Variants in RACGAP1 observed in about 807,000 individuals in gnomAD.
RACGAP1 encodes rac GTPase-activating protein 1.
RACGAP1 carries 30 observed loss-of-function variants against 78.1 expected under a neutral mutation model. The ratio of observed to expected loss-of-function variants is 0.38; its 90% CI spans 0.29 to 0.52. The LOEUF (loss-of-function observed/expected upper bound fraction) is 0.52, where lower values mean the gene tolerates loss of function less well. Among genes scored for constraint, RACGAP1 ranks in the 20% least tolerant of loss-of-function variants. RACGAP1 has a pLI of 0.82. For missense variants in RACGAP1, 587 were observed against 777.1 expected (o/e 0.76, Z 2.91); for synonymous variants, 231 against 264.8 (o/e 0.87, Z 1.24).
intron 2 of RACGAP1, among the ~76,000 whole-genome samples, 158 bp downstream of exon 2, chr12:50,016,473 A>G (rs1357051572): frequency 6.6e-6 from 1 of 152,236 alleles, no homozygotes; most frequent in Non-Finnish European, 1.5e-5. Context: ...ATTTAGAATG[A>G]GTGCCCATTA....
At chr12:50,033,367 C>T (rs1445415994), upstream of RACGAP1, among the ~76,000 whole-genome samples, 4 of 152,166 alleles carry the variant, frequency 2.6e-5, no homozygotes, top group South Asian at 2.1e-4. Flanking sequence ...GAGGGCCCAC[C>T]TCTGGCTGGG....
In RACGAP1 at chr12:49,989,716, C is replaced by G. The variant is rs1435779727; in HGVS notation, c.*552G>C. On this transcript the variant is annotated 3_prime_UTR_variant, in exon 17 of 17. Coordinates refer to ENST00000312377, the MANE Select transcript of RACGAP1 (RefSeq NM_001319999.2). ...TCACTAGTTCTGTCCTCAATGCATC[C>G]CATTTTTATGAAAGCTCCATATTAT... is the stretch of plus-strand genomic sequence containing the variant. 6.6e-6 allele frequency: 1 copy of G among 152,644 alleles called. No individual in the cohort carries two copies. Among genetic ancestry groups the G allele is most frequent in the African/African-American group, 2.4e-5 (1 of 41,426 alleles). The allele number at this position is 152,644 out of a possible 1,614,324, so 9.5% of individuals were successfully genotyped here. A position where few individuals can be genotyped will look rare whatever the true frequency, so the allele number is the denominator to read the frequency against.
At position 50,032,079 on chromosome 12, in the gene RACGAP1, G is replaced by A. The variant is rs564781302; in HGVS notation, c.-194-212C>T. ...GGAGAATTGCTTAACCTGGGAGGCAGAGGTTGCAGTGAGCCAAGATTGTGT... is the reference window on the plus strand; with the variant it reads ...GGAGAATTGCTTAACCTGGGAGGCAAAGGTTGCAGTGAGCCAAGATTGTGT... On this transcript the variant is annotated intron_variant, in intron 1 of 3. Coordinates refer to the RACGAP1 transcript ENST00000548247. 8.3e-4 allele frequency among the ~76,000 whole-genome samples: 126 copies of A among 152,204 alleles called. 1 individual carries two copies. The highest frequency in any genetic ancestry group is 7.9e-3 in the Admixed American group (120 of 15,264).
intron 9 of RACGAP1, 98 bp downstream of exon 9, chr12:49,999,043 C>CATTTAACTTTATAACACTAAAGT (rs1948486004): frequency 7.4e-7 from 1 of 1,348,194 alleles, no homozygotes; most frequent in Non-Finnish European, 9.7e-7. Context: ...GGAAATTTGA[C>CATTTAACTTTATAACACTAAAGT]ATTTAACTTT....
intron 3 of RACGAP1, 69 bp from the exon 4 acceptor site, chr12:50,005,461 A>T: frequency 6.3e-7 from 1 of 1,576,840 alleles, no homozygotes; most frequent in Non-Finnish European, 8.6e-7. Flanking sequence ...AGTTTATGGG[A>T]CAGGCAGACC....
At chr12:50,018,587 C>T in intron 1 of RACGAP1, 1 of 1,287,376 alleles carries the variant, frequency 7.8e-7, no homozygotes, top group Non-Finnish European at 1.0e-6. Flanking sequence ...TCCTTTGGCT[C>T]TCCTGAGGTA....
At chr12:50,009,544 C>G (rs1405269299) in intron 2 of RACGAP1, among the ~76,000 whole-genome samples, 2 of 151,938 alleles carry the variant, frequency 1.3e-5, no homozygotes, top group Admixed American at 6.6e-5. Context: ...CTCTAAGCTT[C>G]TTAAAGACAA....
At position 50,005,361 on chromosome 12, in the gene RACGAP1, A is replaced by G. The variant is rs746166270; in HGVS notation, c.320T>C (p.Leu107Pro). ...AATGCTGCCAGATGTGTCACACATG[A>G]GCATCTCTCGAATCAGCTGAATCTG... is the stretch of plus-strand genomic sequence containing the variant. ...ERQIQLIREM[L>P]MCDTSGSIQL... The change falls in exon 4 of 17, where the codon CTC (leucine) becomes CCC (proline). Residue 107 changes from leucine (L) to proline (P), a missense_variant. Transcript: ENST00000312377. The G allele has an allele frequency of 5.0e-6, 8 of 1,614,214 alleles. No homozygotes were observed. The highest frequency in any genetic ancestry group is 6.8e-6 in the Non-Finnish European group (8 of 1,180,030).
At chr12:49,996,628 T>TAAAAAAAGAAAAA in intron 10 of RACGAP1, among the ~76,000 whole-genome samples, 1 of 18,990 alleles carries the variant, frequency 5.3e-5, no homozygotes, top group Non-Finnish European at 8.7e-5. Flanking sequence ...GCAATAGAGC[T>TAAAAAAAGAAAAA]AAAAAAAAAA....
chr12:49,998,278 C>A (rs981270666), intron 9 of RACGAP1, among the ~76,000 whole-genome samples: 10 of 152,034 alleles, frequency 6.6e-5, no homozygotes, highest in African/African-American at 2.4e-4. Context: ...GTGGTGGGCA[C>A]CTGTAATCCC....
chr12:50,017,592 A>G (rs2137630269), intron 1 of RACGAP1, among the ~76,000 whole-genome samples: 1 of 152,356 alleles, frequency 6.6e-6, no homozygotes, highest in Admixed American at 6.5e-5. Context: ...CAGTCAAGAA[A>G]GAAAGACATT....
chr12:49,997,194 G>A lies in RACGAP1; in HGVS notation c.890C>T (p.Pro297Leu). ...CTTTCCACATGGAACACAGGATTCAGGTTTAATAACCTGGGATAAAACAGG... is the reference window on the plus strand; with the variant it reads ...CTTTCCACATGGAACACAGGATTCAAGTTTAATAACCTGGGATAAAACAGG... ...HDFVSKTVIK[P>L]ESCVPCGKRI... Residue 297 changes from proline to leucine, a missense_variant, in exon 10 of 17, where the codon CCT (proline) becomes CTT (leucine). Transcript: ENST00000312377. 1 of 1,587,512 alleles carries A rather than the reference G, an allele frequency of 6.3e-7. No homozygotes were observed. Among genetic ancestry groups the A allele is most frequent in the Non-Finnish European group, 8.6e-7 (1 of 1,160,982 alleles).
At chr12:49,994,586 C>T (rs1287134644) in intron 10 of RACGAP1, 77 bp from the exon 11 acceptor site, 1 of 1,525,610 alleles carries the variant, frequency 6.6e-7, no homozygotes. Context: ...CGAAGAACCA[C>T]CTCCAATCTT....
chr12:49,996,316 A>G (rs1044494108), intron 10 of RACGAP1, among the ~76,000 whole-genome samples: 1 of 151,702 alleles, frequency 6.6e-6, no homozygotes, highest in African/African-American at 2.4e-5. Flanking sequence ...TGTCTCAAAA[A>G]AAAGAGAGAC....
intron 5 of RACGAP1, among the ~76,000 whole-genome samples, chr12:50,003,373 T>G (rs1948798487): frequency 6.6e-6 from 1 of 152,216 alleles, no homozygotes; most frequent in Admixed American, 6.5e-5. Flanking sequence ...TCTAGTTTTA[T>G]TATATATTCC....
At chr12:50,001,708 T>C (rs1948686265) in intron 6 of RACGAP1, among the ~76,000 whole-genome samples, 1 of 152,218 alleles carries the variant, frequency 6.6e-6, no homozygotes, top group Admixed American at 6.5e-5. Context: ...ACTGTATGAA[T>C]GAATTGAAAT....
rs1251004301 is a variant in RACGAP1 at position 50,006,193 on chromosome 12, ATCTG to A, written c.288+237_288+240del. ...CTAATTCTTTAAGTTCTCATTTGAA[ATCTG>A]TCTGTTAAGTAAGTTTCAAGTCTAA... On this transcript the variant is annotated intron_variant, in intron 3 of 16. Transcript: ENST00000312377. 2.6e-5 allele frequency among the ~76,000 whole-genome samples: 4 copies of A among 152,320 alleles called. No individual in the cohort carries two copies. The East Asian group carries it at 7.7e-4, about 29-fold the overall frequency.
chr12:50,025,041 T>C (rs1236086021), intron 1 of RACGAP1, among the ~76,000 whole-genome samples: 1 of 151,946 alleles, frequency 6.6e-6, no homozygotes, highest in Non-Finnish European at 1.5e-5. Flanking sequence ...ACCAGGGCTC[T>C]TCCCTTCGAA....
chr12:49,992,144 G>A lies in RACGAP1; in HGVS notation c.1579-11C>T. The A allele has an allele frequency of 1.2e-6, 2 of 1,612,954 alleles. No individual in the cohort carries two copies. Among genetic ancestry groups the A allele is most frequent in the Non-Finnish European group, 8.5e-7 (1 of 1,179,532 alleles). ...CAGGCGCTCAACCACCTAAAAGCCA[G>A]CAAATCTGTTAGCAAACTTCCAAAG... is the stretch of plus-strand genomic sequence containing the variant. On this transcript the variant is annotated splice_polypyrimidine_tract_variant and intron_variant, in intron 14 of 16. Transcript: ENST00000312377.
Sources: gnomAD v4.1 joint callset for allele counts (sites outside exome capture counted in the v4.1 genomes callset) on GRCh38, gnomAD v4.1.1 for gene constraint, MANE v1.5 for transcripts, NCBI Gene and HGNC (gene_info 2026-07-23, HGNC 2026-07-21) for gene names.